The following ZNF469 variants were observed in gnomAD, a reference collection of about 807,000 sequenced individuals.
ZNF469 encodes the protein zinc finger protein 469.
Under a neutral mutation model 1.0 loss-of-function variants are expected in ZNF469, and 1 was observed. The ratio of observed to expected loss-of-function variants is 1.00; its 90% CI spans 0.35 to 4.73. The LOEUF is 4.73. Ranked by LOEUF, ZNF469 falls within the 30% of genes most tolerant of loss-of-function variation. ZNF469 has a pLI of 0.16. For missense variants in ZNF469, 6,100 were observed against 5,356.3 expected (o/e 1.14, Z -4.33); for synonymous variants, 2,703 against 2,363.4 (o/e 1.14, Z -4.17).
chr16:88,249,091 C>G, the ZNF469 span, among the ~76,000 whole-genome samples: 1 of 152,126 alleles, frequency 6.6e-6, no homozygotes, highest in Non-Finnish European at 1.5e-5. Flanking sequence ...ATTGCTGATG[C>G]CCCAAATGAA....
chr16:88,249,538 A>G, the ZNF469 span, among the ~76,000 whole-genome samples: 2 of 140,376 alleles, frequency 1.4e-5, no homozygotes, highest in East Asian at 2.1e-4. Flanking sequence ...CCTGGTTCAC[A>G]CCATTCTCCT....
At chr16:88,169,816 C>T in the ZNF469 span, among the ~76,000 whole-genome samples, 6 of 152,210 alleles carry the variant, frequency 3.9e-5, no homozygotes, top group South Asian at 6.2e-4. This position sits in a 1 kb window ranked among gnomAD's most constrained non-coding sequence, Gnocchi z 6.1. Flanking sequence ...CTCCCACCAG[C>T]GGTGCATGAG....
chr16:88,277,663 A>G, the ZNF469 span, among the ~76,000 whole-genome samples: 5,437 of 29,674 alleles, frequency 0.18, 281 homozygotes, highest in Middle Eastern at 0.27. Context: ...GCTGACACTC[A>G]GTCAGTACCA....
At chr16:88,380,602 CT>C (rs1015531585), upstream of ZNF469, among the ~76,000 whole-genome samples, 1 of 150,002 alleles carries the variant, frequency 6.7e-6, no homozygotes, top group Non-Finnish European at 1.5e-5. Context: ...CACACATGCA[CT>C]CACACACGCA....
intron 1 of ZNF469, among the ~76,000 whole-genome samples, chr16:88,398,948 A>C (rs921047061): frequency 2.6e-5 from 4 of 151,822 alleles, no homozygotes; most frequent in African/African-American, 9.7e-5. Context: ...GCAAACCACC[A>C]CCCCCCCAGG....
rs761098712 is a variant in ZNF469 at position 88,429,556 on chromosome 16, G to A, written c.2086G>A (p.Glu696Lys). ...GACCCCATTCCCCCACGAGGGCCCC[G>A]AGGTGGGTCGGGGAGGGCTGCAGGG... The part of the protein sequence containing the change: ...EETPFPHEGP[E>K]VGRGGLQGFP... Residue 696 changes from glutamate (E) to lysine (K), a missense_variant, in exon 3 of 3, where the codon GAG (glutamate) becomes AAG (lysine). Physicochemically the swap from Glu to Lys is moderately conservative, Grantham distance 56 (BLOSUM62 1). Transcript: ENST00000565624. 6 of 1,549,934 alleles carry A rather than the reference G, an allele frequency of 3.9e-6. No homozygotes were observed. Among genetic ancestry groups the A allele is most frequent in the South Asian group, 3.6e-5 (3 of 84,040 alleles).
At chr16:88,297,140 C>G in the ZNF469 span, among the ~76,000 whole-genome samples, 1 of 152,238 alleles carries the variant, frequency 6.6e-6, no homozygotes, top group Non-Finnish European at 1.5e-5. Flanking sequence ...CGGCTCTAGC[C>G]TCGAAACCTG....
At chr16:88,395,247 A>ATGGG (rs1904623253) in intron 1 of ZNF469, among the ~76,000 whole-genome samples, 1 of 29,546 alleles carries the variant, frequency 3.4e-5, no homozygotes, top group Admixed American at 2.7e-4. Flanking sequence ...AGATGGATGG[A>ATGGG]TGGATGGATG....
chr16:88,141,325 CG>C, the ZNF469 span, among the ~76,000 whole-genome samples: 1 of 152,070 alleles, frequency 6.6e-6, no homozygotes, highest in East Asian at 1.9e-4. Flanking sequence ...AGACAAGAGT[CG>C]GACTAGGAAA....
At chr16:88,338,227 G>A in the ZNF469 span, among the ~76,000 whole-genome samples, 9 of 116,198 alleles carry the variant, frequency 7.7e-5, no homozygotes, top group South Asian at 5.9e-4. Context: ...TCTGGCTCCC[G>A]GAAGGCAGGG....
At chr16:88,142,424 G>C in the ZNF469 span, among the ~76,000 whole-genome samples, 3 of 152,228 alleles carry the variant, frequency 2.0e-5, no homozygotes, top group Non-Finnish European at 4.4e-5. Context: ...AGGCTCGAAA[G>C]TGGAAATAGA....
the ZNF469 span, among the ~76,000 whole-genome samples, chr16:88,301,063 A>C: frequency 6.6e-6 from 1 of 151,576 alleles, no homozygotes; most frequent in African/African-American, 2.4e-5. Flanking sequence ...AGACTGTCTC[A>C]AAAAAAAAGA....
the ZNF469 span, among the ~76,000 whole-genome samples, chr16:88,350,193 G>A: frequency 0.082 from 12,415 of 152,290 alleles, 530 homozygotes; most frequent in East Asian, 0.15. Context: ...GGCAGCCACA[G>A]CAGCTGCTCC....
At position 88,427,748 on chromosome 16, in the gene ZNF469, C is replaced by G; in HGVS notation, c.278C>G (p.Pro93Arg). ...AGCACCCCTGGGAAGAGGGGCAGCC[C>G]CCAGACCCCACCGGGGAGAAGCCCC... The part of the protein sequence containing the change: ...PSSTPGKRGS[P>R]QTPPGRSPLQ... Residue 93 changes from proline (P) to arginine (R), a missense_variant, in exon 3 of 3, where the codon CCC becomes CGC. Pro to Arg is a moderately radical substitution (Grantham distance 103). Coordinates refer to ENST00000565624, the MANE Select transcript of ZNF469 (RefSeq NM_001367624.2). 1 of 1,543,184 alleles carries G rather than the reference C, an allele frequency of 6.5e-7. No individual in the cohort carries two copies. Among genetic ancestry groups the G allele is most frequent in the Non-Finnish European group, 8.7e-7 (1 of 1,146,112 alleles).
chr16:88,254,899 G>T, the ZNF469 span, among the ~76,000 whole-genome samples: 1 of 151,486 alleles, frequency 6.6e-6, no homozygotes, highest in Admixed American at 6.6e-5. Flanking sequence ...GATAAATTTT[G>T]GGGAAAATTA....
At chr16:88,328,589 G>A in the ZNF469 span, among the ~76,000 whole-genome samples, 2 of 152,212 alleles carry the variant, frequency 1.3e-5, no homozygotes, top group African/African-American at 2.4e-5. Flanking sequence ...GGGGTCCAGG[G>A]CCCGGGTTCT....
At position 88,428,230 on chromosome 16, in the gene ZNF469, G is replaced by A. The variant is rs755977911; in HGVS notation, c.760G>A (p.Glu254Lys). Residue 254 changes from glutamate to lysine, a missense_variant, in exon 3 of 3, where the codon GAG becomes AAG. By Grantham distance (56) the Glu-to-Lys change is moderately conservative. Coordinates refer to ENST00000565624, the MANE Select transcript of ZNF469 (RefSeq NM_001367624.2). ...TGCTAATTTCGGGGTTCCCCCCGCC[G>A]AGCCGGAACCTATTCCCAAAGGCAG... ...PGANFGVPPAEPEPIPKGSRP... is the reference protein window; with the variant it reads ...PGANFGVPPAKPEPIPKGSRP... 233 of 1,550,192 alleles carry A rather than the reference G, an allele frequency of 1.5e-4. No homozygotes were observed. The highest frequency in any genetic ancestry group is 2.0e-4 in the Admixed American group (10 of 50,980).
At chr16:88,364,394 C>A in the ZNF469 span, among the ~76,000 whole-genome samples, 294 of 151,016 alleles carry the variant, frequency 1.9e-3, no homozygotes, top group African/African-American at 7.0e-3. Flanking sequence ...GTGGTGGAAG[C>A]CTTCCAGCAT....
rs774473762 is a variant in ZNF469 at position 88,430,230 on chromosome 16, C to T, written c.2760C>T (p.Ala920=). ...TPRPGDRGCP[A]RGRPKTRSLG... is the part of the protein sequence containing the mutation. ...GCCCTGGGGACAGGGGCTGCCCAGC[C>T]CGAGGCAGGCCCAAAACGCGTTCCC... Residue 920 remains alanine, a synonymous_variant, in exon 3 of 3, where the codon GCC becomes GCT. Coordinates refer to ENST00000565624, the MANE Select transcript of ZNF469 (RefSeq NM_001367624.2). The T allele has an allele frequency of 7.8e-6, 12 of 1,534,304 alleles. No homozygotes were observed. The South Asian group carries it at 1.4e-4, about 18-fold the overall frequency.
Sources: allele counts gnomAD v4.1 joint callset (sites outside exome capture counted in the v4.1 genomes callset), GRCh38; gene constraint gnomAD v4.1.1; non-coding constraint Gnocchi (gnomAD v3.1); transcripts MANE v1.5; gene names NCBI Gene and HGNC (gene_info 2026-07-23, HGNC 2026-07-21).